Variants in AOC1 observed in about 807,000 individuals in gnomAD.
AOC1 encodes diamine oxidase [copper-containing].
AOC1 carries 58 observed loss-of-function variants against 57.1 expected under a neutral mutation model. The ratio of observed to expected loss-of-function variants is 1.02; its 90% confidence interval spans 0.82 to 1.26. AOC1 has a LOEUF of 1.26. AOC1 is among the 50% of genes most tolerant of loss of function. The pLI, the probability that AOC1 is intolerant of heterozygous loss-of-function variation, is 0.00. For missense variants in AOC1, 917 were observed against 1,005.3 expected (o/e 0.91, Z 1.19); for synonymous variants, 401 against 423.4 (o/e 0.95, Z 0.65).
chr7:150,861,379 C>A lies in AOC1; in HGVS notation c.*170C>A. The stretch of plus-strand genomic sequence containing the variant: ...GTGCACACACACAGACGTGCACACA[C>A]ACACAGACATGCACACACACACAGA... On this transcript the variant is annotated 3_prime_UTR_variant, in exon 5 of 5. Coordinates refer to ENST00000360937, the MANE Select transcript of AOC1 (RefSeq NM_001091.4). This position sits in a 1 kb window ranked among gnomAD's most constrained non-coding sequence, Gnocchi z 4.5. 1 of 720,672 alleles carries A rather than the reference C, an allele frequency of 1.4e-6. No homozygotes were observed. The highest frequency in any genetic ancestry group is 2.2e-6 in the Non-Finnish European group (1 of 455,052). 44.6% of individuals were successfully genotyped at this position (720,672 alleles called of 1,614,324 possible).
At chr7:150,859,748 A>G (rs938930034) in intron 3 of AOC1, 3 of 153,766 alleles carry the variant, frequency 2.0e-5, no homozygotes, top group Admixed American at 6.6e-5. Context: ...ATATATCTAC[A>G]ATCCATTAAG....
Position 150,857,476 on chromosome 7 carries a change from G to T in AOC1, c.1006G>T (p.Val336Phe), listed in dbSNP as rs1231314140. 14 of 1,613,064 alleles carry T rather than the reference G, an allele frequency of 8.7e-6. No individual in the cohort carries two copies. Among genetic ancestry groups the T allele is most frequent in the Middle Eastern group, 1.6e-4 (1 of 6,084 alleles). ...GCTGCGCTCCTCCTCCGGGCTGCAG[G>T]TCCTGAACGTGCACTTCGGCGGAGA... Reference protein sequence around the residue: ...FRLRSSSGLQVLNVHFGGERI... With the variant: ...FRLRSSSGLQFLNVHFGGERI... The change falls in exon 2 of 5, where the codon GTC (valine) becomes TTC (phenylalanine). Residue 336 changes from valine (V) to phenylalanine (F), a missense_variant. Physicochemically the swap from Val to Phe is conservative, Grantham distance 50. Transcript: ENST00000360937. The surrounding 1 kb of genome is among the most constrained non-coding windows in gnomAD (Gnocchi z 6.6).
In AOC1 at chr7:150,859,099, T is replaced by G; in HGVS notation, c.1856+51T>G. On this transcript the variant is annotated intron_variant, in intron 3 of 4. Transcript: ENST00000360937. ...GGAGGGTCAGTGGCTTCCCTCAGTGTGTGTGTCTGTGTCTGTCTGTGTTTG... is the reference window on the plus strand; with the variant it reads ...GGAGGGTCAGTGGCTTCCCTCAGTGGGTGTGTCTGTGTCTGTCTGTGTTTG... 1 of 1,471,588 alleles carries G rather than the reference T, an allele frequency of 6.8e-7. No homozygotes were observed. The highest frequency in any genetic ancestry group is 2.4e-5 in the East Asian group (1 of 42,458). The allele number at this position is 1,471,588 out of a possible 1,614,324, so 91.2% of individuals were successfully genotyped here. A position where few individuals can be genotyped will look rare whatever the true frequency, so the allele number is the denominator to read the frequency against.
In AOC1 at chr7:150,857,367, C is replaced by G. The variant is rs781658718; in HGVS notation, c.897C>G (p.Gly299=). ...GDFPSPIHVS[G]PRLVQPHGPR... is the part of the protein sequence containing the mutation. ...TCCCCAGCCCCATCCATGTGAGCGG[C>G]CCCCGCTTGGTCCAGCCCCACGGCC... The change falls in exon 2 of 5, where the codon GGC becomes GGG. Residue 299 remains glycine (G), a synonymous_variant. Transcript: ENST00000360937. This position sits in a 1 kb window ranked among gnomAD's most constrained non-coding sequence, Gnocchi z 6.6. The G allele has an allele frequency of 6.2e-7, 1 of 1,607,624 alleles. No homozygotes were observed. The highest frequency in any genetic ancestry group is 1.1e-5 in the South Asian group (1 of 90,740).
chr7:150,857,574 G>C lies in AOC1; in HGVS notation c.1104G>C (p.Gln368His), dbSNP rs761194874. The change falls in exon 2 of 5, where the codon CAG (glutamine) becomes CAC (histidine). Residue 368 changes from glutamine (Q) to histidine (H), a missense_variant. Coordinates refer to ENST00000360937, the MANE Select transcript of AOC1 (RefSeq NM_001091.4). This position sits in a 1 kb window ranked among gnomAD's most constrained non-coding sequence, Gnocchi z 6.6. Reference protein sequence around the residue: ...LYGGHTPAGMQTKYLDVGWGL... With the variant: ...LYGGHTPAGMHTKYLDVGWGL... ...GAGGACACACACCTGCAGGCATGCA[G>C]ACCAAGTACCTCGATGTCGGCTGGG... 1 of 1,614,048 alleles carries C rather than the reference G, an allele frequency of 6.2e-7. No individual in the cohort carries two copies. The highest frequency in any genetic ancestry group is 1.1e-5 in the South Asian group (1 of 91,090).
At position 150,858,788 on chromosome 7, in the gene AOC1, G is replaced by T. The variant is rs146909399; in HGVS notation, c.1596G>T (p.Leu532=). Residue 532 remains leucine (L), a synonymous_variant, in exon 3 of 5, where the codon CTG becomes CTT. Transcript: ENST00000360937. ...GCACCAAGAACAGCTTCCAGACACT[G>T]CAGATGAAGCTAGAAAACATCACCA... ...VAGTKNSFQT[L]QMKLENITNP... 1 of 1,609,470 alleles carries T rather than the reference G, an allele frequency of 6.2e-7. No individual in the cohort carries two copies. Among genetic ancestry groups the T allele is most frequent in the Non-Finnish European group, 8.5e-7 (1 of 1,176,238 alleles).
Position 150,857,462 on chromosome 7 carries a change from C to T in AOC1, c.992C>T (p.Ser331Phe), listed in dbSNP as rs753490000. ...AGCTTTGCCTTCCGGCTGCGCTCCT[C>T]CTCCGGGCTGCAGGTCCTGAACGTG... Reference protein sequence around the residue: ...GWSFAFRLRSSSGLQVLNVHF... With the variant: ...GWSFAFRLRSFSGLQVLNVHF... The change falls in exon 2 of 5, where the codon TCC becomes TTC. Residue 331 changes from serine to phenylalanine, a missense_variant. Ser to Phe is a radical substitution (Grantham distance 155). Coordinates refer to ENST00000360937, the MANE Select transcript of AOC1 (RefSeq NM_001091.4). This position sits in a 1 kb window ranked among gnomAD's most constrained non-coding sequence, Gnocchi z 6.6. 7.4e-6 allele frequency: 12 copies of T among 1,612,410 alleles called. No homozygotes were observed. The South Asian group carries it at 1.1e-4, about 15-fold the overall frequency.
At chr7:150,859,426 G>A (rs552651869) in intron 3 of AOC1, among the ~76,000 whole-genome samples, 14 of 152,160 alleles carry the variant, frequency 9.2e-5, no homozygotes, top group African/African-American at 2.7e-4. Context: ...AATCCTGGCC[G>A]GGCACGGTGG....
At chr7:150,854,069 C>T (rs985496064) in intron 1 of AOC1, 2 of 152,206 alleles carry the variant, frequency 1.3e-5, no homozygotes, top group Middle Eastern at 3.4e-3. Context: ...AGAGGCCTGG[C>T]CAATATTTAA....
chr7:150,853,661 CTATATATA>C (rs201712777), intron 1 of AOC1, among the ~76,000 whole-genome samples: 325 of 62,750 alleles, frequency 5.2e-3, no homozygotes, highest in East Asian at 0.013. Flanking sequence ...GAGATCCTGA[CTATATATA>C]TATATATATA....
At chr7:150,859,796 C>T (rs577454350) in intron 3 of AOC1, 1 of 154,722 alleles carries the variant, frequency 6.5e-6, no homozygotes, top group South Asian at 2.0e-4. Context: ...ATCCTCGTCT[C>T]CTTCACTTTA....
rs2116848577 is a variant in AOC1, at chr7:150,860,946, C to T, written c.1993C>T (p.Leu665=). ...HNNENIENED[L]VAWVTVGFLH... is the part of the protein sequence containing the mutation. ...AAGCCCACCCTGTCTCCTGCAGGAC[C>T]TGGTGGCCTGGGTGACGGTGGGCTT... The change falls in exon 5 of 5, where the codon CTG becomes TTG. Residue 665 remains leucine, a synonymous_variant. Transcript: ENST00000360937. 1 of 1,611,692 alleles carries T rather than the reference C, an allele frequency of 6.2e-7. No individual in the cohort carries two copies. Among genetic ancestry groups the T allele is most frequent in the Non-Finnish European group, 8.5e-7 (1 of 1,179,420 alleles).
At position 150,856,975 on chromosome 7, in the gene AOC1, A is replaced by G. The variant is rs764404660; in HGVS notation, c.505A>G (p.Thr169Ala). 6 of 1,614,056 alleles carry G rather than the reference A, an allele frequency of 3.7e-6. No homozygotes were observed. The East Asian group carries it at 1.1e-4, about 30-fold the overall frequency. ...GCCCCTGCATCAGTTCTTCCTCAAT[A>G]CCACAGGCTTCTCATTCCAAGACTG... ...TKPLHQFFLNTTGFSFQDCHD... is the reference protein window; with the variant it reads ...TKPLHQFFLNATGFSFQDCHD... Residue 169 changes from threonine (T) to alanine (A), a missense_variant, in exon 2 of 5, where the codon ACC (threonine) becomes GCC (alanine). Thr to Ala is a moderately conservative substitution (Grantham distance 58). Coordinates refer to ENST00000360937, the MANE Select transcript of AOC1 (RefSeq NM_001091.4). This position sits in a 1 kb window ranked among gnomAD's most constrained non-coding sequence, Gnocchi z 5.2.
In AOC1 at chr7:150,856,631, T is replaced by A. The variant is rs1799783615; in HGVS notation, c.161T>A (p.Leu54Gln). ...VHSFLWSKKE[L>Q]RLQPSSTTTM... The stretch of plus-strand genomic sequence containing the variant: ...AGCTTCCTCTGGTCCAAGAAGGAGC[T>A]GAGGCTGCAGCCCTCCAGTACCACC... Residue 54 changes from leucine (L) to glutamine (Q), a missense_variant, in exon 2 of 5, where the codon CTG (leucine) becomes CAG (glutamine). By Grantham distance (113) the Leu-to-Gln change is moderately radical. Coordinates refer to ENST00000360937, the MANE Select transcript of AOC1 (RefSeq NM_001091.4). The surrounding 1 kb of genome is among the most constrained non-coding windows in gnomAD (Gnocchi z 5.2). 1 of 1,614,016 alleles carries A rather than the reference T, an allele frequency of 6.2e-7. No individual in the cohort carries two copies. The highest frequency in any genetic ancestry group is 8.5e-7 in the Non-Finnish European group (1 of 1,179,992).
chr7:150,858,794 G>A lies in AOC1; in HGVS notation c.1602G>A (p.Met534Ile). 1.2e-6 allele frequency: 2 copies of A among 1,610,092 alleles called. No homozygotes were observed. The highest frequency in any genetic ancestry group is 1.7e-6 in the Non-Finnish European group (2 of 1,176,656). Reference protein sequence around the residue: ...GTKNSFQTLQMKLENITNPWS... With the variant: ...GTKNSFQTLQIKLENITNPWS... The stretch of plus-strand genomic sequence containing the variant: ...AGAACAGCTTCCAGACACTGCAGAT[G>A]AAGCTAGAAAACATCACCAACCCCT... The change falls in exon 3 of 5, where the codon ATG becomes ATA. Residue 534 changes from methionine to isoleucine, a missense_variant. By Grantham distance (10) the Met-to-Ile change is conservative. Transcript: ENST00000360937.
chr7:150,861,126 T>G lies in AOC1; in HGVS notation c.2173T>G (p.Tyr725Asp). Residue 725 changes from tyrosine to aspartate, a missense_variant, in exon 5 of 5, where the codon TAC (tyrosine) becomes GAC (aspartate). Physicochemically the swap from Tyr to Asp is radical, Grantham distance 160. Coordinates refer to ENST00000360937, the MANE Select transcript of AOC1 (RefSeq NM_001091.4). This position sits in a 1 kb window ranked among gnomAD's most constrained non-coding sequence, Gnocchi z 4.5. ...IVWPRDNGPN[Y>D]VQRWIPEDRD... is the part of the protein sequence containing the mutation. ...GTGGCCTCGGGACAACGGCCCCAAC[T>G]ACGTCCAGCGCTGGATCCCTGAGGA... is the stretch of plus-strand genomic sequence containing the variant. The G allele has an allele frequency of 6.2e-7, 1 of 1,614,056 alleles. No individual in the cohort carries two copies. The highest frequency in any genetic ancestry group is 1.1e-5 in the South Asian group (1 of 91,086).
At chr7:150,853,676 TATATATATATATATATATA>T (rs1563086968) in intron 1 of AOC1, among the ~76,000 whole-genome samples, 16 of 121,934 alleles carry the variant, frequency 1.3e-4, no homozygotes, top group South Asian at 5.0e-4. Flanking sequence ...TATATATATA[TATATATATATATATATATA>T]TATTTATTTA....
intron 4 of AOC1, 116 bp from the exon 5 acceptor site, chr7:150,860,827 G>A: frequency 1.4e-6 from 2 of 1,435,866 alleles, no homozygotes; most frequent in Admixed American, 2.1e-5. Context: ...TTTAAAAAGG[G>A]GCTGGAGAGG....
intron 2 of AOC1, 25 bp downstream of exon 2, chr7:150,858,065 C>T (rs760750269): frequency 7.3e-6 from 11 of 1,497,372 alleles, no homozygotes; most frequent in South Asian, 2.7e-5. Context: ...GAGACTCTCC[C>T]GTTCAAACAT....
Sources: gnomAD v4.1 joint callset for allele counts (sites outside exome capture counted in the v4.1 genomes callset) on GRCh38, gnomAD v4.1.1 for gene constraint, Gnocchi (gnomAD v3.1) non-coding constraint, MANE v1.5 for transcripts, NCBI Gene and HGNC (gene_info 2026-07-23, HGNC 2026-07-21) for gene names.